Variants in GPR55 observed in about 807,000 individuals in gnomAD.
The protein encoded by GPR55 is G-protein coupled receptor 55.
Under a neutral mutation model 7.9 loss-of-function variants are expected in GPR55, and 6 were observed. That is an observed-to-expected ratio of 0.76 (90% CI 0.41 to 1.49). The LOEUF (loss-of-function observed/expected upper bound fraction) is 1.49, where lower values mean the gene tolerates loss of function less well. GPR55 is among the 40% of genes most tolerant of loss of function. The probability of loss-of-function intolerance (pLI) is 0.01; values close to 1 mark genes in which losing one functional copy is unlikely to be tolerated. For missense variants in GPR55, 376 were observed against 406.0 expected, an observed-to-expected ratio of 0.93 and a Z score of 0.63; for synonymous variants, 183 against 166.8, an observed-to-expected ratio of 1.10 and a Z score of -0.75.
At position 230,910,573 on chromosome 2, in the gene GPR55, G is replaced by A. The variant is rs370266921; in HGVS notation, c.390C>T (p.Ser130=). 165 of 1,613,766 alleles carry A rather than the reference G, an allele frequency of 1.0e-4. No individual in the cohort carries two copies. Among genetic ancestry groups the A allele is most frequent in the Non-Finnish European group, 1.3e-4 (157 of 1,179,810 alleles). The change falls in exon 2 of 2, where the codon AGC becomes AGT. Residue 130 remains serine (S), a synonymous_variant. Transcript: ENST00000650999. This position sits in a 1 kb window ranked among gnomAD's most constrained non-coding sequence, Gnocchi z 5.4. ...AGATCTTCCTGGGGGACCGGAGGTGGCTCACCAGTAGCGGGTAACGGATGG... is the reference window on the plus strand; with the variant it reads ...AGATCTTCCTGGGGGACCGGAGGTGACTCACCAGTAGCGGGTAACGGATGG... ...FLAIRYPLLV[S]HLRSPRKIFG...
At chr2:230,941,071 G>C (rs576643885) in intron 1 of GPR55, among the ~76,000 whole-genome samples, 3,688 of 151,924 alleles carry the variant, frequency 0.024, 137 homozygotes, top group African/African-American at 0.085. Flanking sequence ...GAGCCAAGAT[G>C]GCACCACTGC....
chr2:230,916,394 C>G (rs543950676), intron 1 of GPR55, among the ~76,000 whole-genome samples: 1 of 151,760 alleles, frequency 6.6e-6, no homozygotes, highest in African/African-American at 2.4e-5. Context: ...CATGGTGGCT[C>G]GTGCCTGTGG....
chr2:230,943,692 T>G (rs1691269854), intron 1 of GPR55, among the ~76,000 whole-genome samples: 1 of 152,110 alleles, frequency 6.6e-6, no homozygotes, highest in Non-Finnish European at 1.5e-5. Context: ...GGATTTCCCA[T>G]GAATGATCTT....
chr2:230,952,124 A>G (rs1691414145), intron 1 of GPR55, among the ~76,000 whole-genome samples: 1 of 152,110 alleles, frequency 6.6e-6, no homozygotes. Flanking sequence ...TAGAGACGAC[A>G]TGGTCACCTG....
intron 1 of GPR55, among the ~76,000 whole-genome samples, chr2:230,960,597 G>A (rs771368241): frequency 1.1e-4 from 16 of 152,054 alleles, no homozygotes; most frequent in East Asian, 3.9e-4. Context: ...AAAAATCACC[G>A]TAAGACAGCT....
intron 1 of GPR55, among the ~76,000 whole-genome samples, chr2:230,915,550 C>T (rs1322165318): frequency 3.3e-5 from 5 of 152,140 alleles, no homozygotes; most frequent in Non-Finnish European, 7.4e-5. Flanking sequence ...AACAGCAGCA[C>T]GGTGGCTGAG....
chr2:230,941,469 G>A (rs1186530155), intron 1 of GPR55, among the ~76,000 whole-genome samples: 2 of 152,226 alleles, frequency 1.3e-5, no homozygotes, highest in Non-Finnish European at 2.9e-5. Context: ...GGCCACATGT[G>A]TTTCTGCCTC....
intron 1 of GPR55, among the ~76,000 whole-genome samples, chr2:230,932,020 C>T (rs1223586077): frequency 1.3e-5 from 2 of 152,138 alleles, no homozygotes; most frequent in African/African-American, 4.8e-5. Flanking sequence ...GCCTCACCTC[C>T]AGCTCCTCAC....
chr2:230,937,560 A>C (rs1025245950), intron 1 of GPR55, among the ~76,000 whole-genome samples: 1 of 151,498 alleles, frequency 6.6e-6, no homozygotes, highest in Non-Finnish European at 1.5e-5. Flanking sequence ...CTGCAGAAGT[A>C]AATTGCCTTG....
chr2:230,958,552 C>T (rs1691525917), intron 1 of GPR55, among the ~76,000 whole-genome samples: 3 of 152,188 alleles, frequency 2.0e-5, no homozygotes, highest in Middle Eastern at 3.2e-3. Flanking sequence ...CCCACCCCTG[C>T]AACCACCACC....
chr2:230,919,021 A>G (rs1175756585), intron 1 of GPR55, among the ~76,000 whole-genome samples: 1 of 152,114 alleles, frequency 6.6e-6, no homozygotes, highest in Non-Finnish European at 1.5e-5. Flanking sequence ...TTCCACAAAA[A>G]TCAATAATAC....
chr2:230,951,771 T>G (rs201072148), intron 1 of GPR55, among the ~76,000 whole-genome samples: 56,903 of 150,470 alleles, frequency 0.38, 11,788 homozygotes, highest in African/African-American at 0.53. Flanking sequence ...TTTTTTTTTT[T>G]TTTGTGAGAC....
chr2:230,951,061 T>C (rs554442504), intron 1 of GPR55, among the ~76,000 whole-genome samples: 1 of 152,226 alleles, frequency 6.6e-6, no homozygotes, highest in South Asian at 2.1e-4. Flanking sequence ...GGCTAATGTG[T>C]TTCCCTGAGT....
chr2:230,943,001 TGAAGA>T (rs10652349), intron 1 of GPR55, among the ~76,000 whole-genome samples: 230 of 149,586 alleles, frequency 1.5e-3, no homozygotes, highest in South Asian at 3.6e-3. Context: ...CCTTGTGACC[TGAAGA>T]GAAGAGAAGA....
Position 230,910,017 on chromosome 2 carries a change from T to C in GPR55, c.946A>G (p.Ile316Val), listed in dbSNP as rs547713322. 17 of 1,613,024 alleles carry C rather than the reference T, an allele frequency of 1.1e-5. No individual in the cohort carries two copies. In the South Asian group the frequency reaches 1.9e-4, roughly 18 times the overall value. Residue 316 changes from isoleucine to valine, a missense_variant, in exon 2 of 2, where the codon ATC becomes GTC. Transcript: ENST00000650999. This position sits in a 1 kb window ranked among gnomAD's most constrained non-coding sequence, Gnocchi z 5.4. Reference sequence around the variant, plus strand: ...ATGTCCTTCCGTTAGCCCCGGGAGATCGTGGTGTCCTGCAGGACCAGCTGG... The same window carrying C: ...ATGTCCTTCCGTTAGCCCCGGGAGACCGTGGTGTCCTGCAGGACCAGCTGG... ...RVQLVLQDTT[I>V]SRG
intron 1 of GPR55, among the ~76,000 whole-genome samples, chr2:230,939,010 C>T (rs953144795): frequency 6.6e-6 from 1 of 152,214 alleles, no homozygotes; most frequent in East Asian, 1.9e-4. Flanking sequence ...ATGGAAGCAT[C>T]TAGCACAGAG....
chr2:230,935,211 C>T (rs917326950), intron 1 of GPR55, among the ~76,000 whole-genome samples: 2 of 152,154 alleles, frequency 1.3e-5, no homozygotes, highest in African/African-American at 4.8e-5. Context: ...TTAGTTCAGG[C>T]TGCCTGGAAC....
At chr2:230,947,645 A>AG (rs1443271156) in intron 1 of GPR55, among the ~76,000 whole-genome samples, 2 of 151,820 alleles carry the variant, frequency 1.3e-5, no homozygotes, top group African/African-American at 4.8e-5. Context: ...CTGGGACCAC[A>AG]GGGGCACACC....
At chr2:230,934,490 AG>A (rs1315183710) in intron 1 of GPR55, among the ~76,000 whole-genome samples, 1 of 152,180 alleles carries the variant, frequency 6.6e-6, no homozygotes, top group African/African-American at 2.4e-5. Context: ...TCTTGGTCCC[AG>A]GGGAAGGAGG....
Sources: gnomAD v4.1 joint callset for allele counts (sites outside exome capture counted in the v4.1 genomes callset) on GRCh38, gnomAD v4.1.1 for gene constraint, Gnocchi (gnomAD v3.1) non-coding constraint, MANE v1.5 for transcripts, NCBI Gene and HGNC (gene_info 2026-07-23, HGNC 2026-07-21) for gene names.